The following KANSL1 variants were observed in gnomAD, a reference collection of about 807,000 sequenced individuals.
KANSL1 encodes MLL1/MLL complex subunit KANSL1.
A neutral mutation model predicts 103.6 loss-of-function variants in KANSL1; 22 were observed. The ratio of observed to expected loss-of-function variants is 0.21; its 90% CI spans 0.15 to 0.30. The LOEUF (loss-of-function observed/expected upper bound fraction) is 0.30. Ranked by LOEUF, KANSL1 falls within the 10% of genes least tolerant of loss-of-function variation. The probability of loss-of-function intolerance (pLI) is 1.00; values close to 1 mark genes in which losing one functional copy is unlikely to be tolerated. For synonymous variants in KANSL1, 600 were observed against 527.6 expected, an observed-to-expected ratio of 1.14 and a Z score of -1.88; for missense variants, 1,337 against 1,399.8, an observed-to-expected ratio of 0.96 and a Z score of 0.72.
At chr17:46,147,220 A>G (rs1367275685) in intron 2 of KANSL1, among the ~76,000 whole-genome samples, 3 of 152,218 alleles carry the variant, frequency 2.0e-5, no homozygotes, top group South Asian at 2.1e-4. Flanking sequence ...ATCAACCAAT[A>G]TATGTATTTC....
chr17:46,119,191 AT>A (rs1275092495), intron 2 of KANSL1, among the ~76,000 whole-genome samples: 15 of 152,214 alleles, frequency 9.9e-5, no homozygotes, highest in Non-Finnish European at 2.1e-4. Context: ...GGTGCCTACT[AT>A]CCCCATACTA....
intron 6 of KANSL1, among the ~76,000 whole-genome samples, chr17:46,061,235 TTTC>T (rs1427873425): frequency 2.0e-5 from 3 of 152,152 alleles, no homozygotes; most frequent in South Asian, 2.1e-4. Flanking sequence ...ACTACATTCT[TTTC>T]TTTTTTAAAA....
intron 2 of KANSL1, among the ~76,000 whole-genome samples, chr17:46,114,344 G>C (rs113677391): frequency 6.6e-6 from 1 of 150,912 alleles, no homozygotes; most frequent in Admixed American, 6.7e-5. Context: ...GGGCAACAGC[G>C]AGACTCCCTC....
Position 46,082,540 on chromosome 17 carries a change from C to T in KANSL1, c.1434G>A (p.Gly478=). ...GAGGTACCTCCCCAAGAACTATCAA[C>T]CCCTGCAGGATAGAGAGGAGAAAAA... ...DIYKQIRANK[G]LIVLGEVPPP... is the part of the protein sequence containing the mutation. Residue 478 remains glycine, a splice_region_variant and synonymous_variant, in exon 4 of 15, where the codon GGG becomes GGA. Transcript: ENST00000432791. 1.9e-6 allele frequency: 3 copies of T among 1,586,344 alleles called. No individual in the cohort carries two copies. Among genetic ancestry groups the T allele is most frequent in the Non-Finnish European group, 2.6e-6 (3 of 1,155,844 alleles).
intron 4 of KANSL1, among the ~76,000 whole-genome samples, chr17:46,080,314 A>T (rs1188042653): frequency 9.9e-5 from 10 of 100,854 alleles, no homozygotes; most frequent in African/African-American, 2.8e-4. Context: ...GCCTGTCTTA[A>T]AAAAAAAAAA....
chr17:46,111,327 G>A (rs1260766403), intron 2 of KANSL1, among the ~76,000 whole-genome samples: 2 of 152,194 alleles, frequency 1.3e-5, no homozygotes, highest in East Asian at 3.9e-4. Flanking sequence ...TCCTGCCTCA[G>A]CCTCGCAGGT....
chr17:46,082,072 G>A (rs1408979023), intron 4 of KANSL1, among the ~76,000 whole-genome samples: 2 of 152,092 alleles, frequency 1.3e-5, no homozygotes, highest in Non-Finnish European at 2.9e-5. Flanking sequence ...TTAACCTCTA[G>A]TCTAACCTTT....
At position 46,171,533 on chromosome 17, in the gene KANSL1, C is replaced by G. The variant is rs766643723; in HGVS notation, c.611G>C (p.Gly204Ala). 7 of 1,612,812 alleles carry G rather than the reference C, an allele frequency of 4.3e-6. No individual in the cohort carries two copies. Among genetic ancestry groups the G allele is most frequent in the Non-Finnish European group, 5.1e-6 (6 of 1,179,436 alleles). ...ATGTGGAAGAGTGCAATTGGTCATA[C>G]CCCCCTTCAAGTCCCCAGATTCAGA... is the stretch of plus-strand genomic sequence containing the variant. Reference protein sequence around the residue: ...GGSESGDLKGGMTNCTLPHRS... With the variant: ...GGSESGDLKGAMTNCTLPHRS... Residue 204 changes from glycine (G) to alanine (A), a missense_variant, in exon 2 of 15, where the codon GGT (glycine) becomes GCT (alanine). Around this residue, in one of 2 missense-constraint regions of KANSL1, gnomAD observed 557 missense variants for 476.4 expected, o/e 1.17. Transcript: ENST00000432791.
At chr17:46,034,132 G>A in intron 11 of KANSL1, 29 bp downstream of exon 11, 1 of 1,611,666 alleles carries the variant, frequency 6.2e-7, no homozygotes, top group Non-Finnish European at 8.5e-7. Context: ...GAAGAATGGG[G>A]AGAGGAGCCA....
intron 1 of KANSL1, among the ~76,000 whole-genome samples, chr17:46,173,759 T>A (rs981254853): frequency 1.3e-5 from 2 of 152,252 alleles, no homozygotes; most frequent in Non-Finnish European, 2.9e-5. Flanking sequence ...TTTCTTTTTT[T>A]AAGGGAGTTC....
intron 2 of KANSL1, among the ~76,000 whole-genome samples, chr17:46,105,906 G>GAGACACACACACACACACACAC (rs778730504): frequency 1.0e-3 from 96 of 95,128 alleles, no homozygotes; most frequent in African/African-American, 4.2e-3. Context: ...GCAAGGCCTT[G>GAGACACACACACACACACACAC]ACACACACAC....
intron 4 of KANSL1, among the ~76,000 whole-genome samples, chr17:46,080,701 C>G (rs1227094237): frequency 1.3e-5 from 2 of 150,440 alleles, no homozygotes; most frequent in Non-Finnish European, 1.5e-5. Flanking sequence ...TGTCCCTGCT[C>G]CCCCCACCCC....
chr17:46,066,625 G>A lies in KANSL1; in HGVS notation c.1760C>T (p.Thr587Ile). 1 of 1,614,142 alleles carries A rather than the reference G, an allele frequency of 6.2e-7. No homozygotes were observed. Among genetic ancestry groups the A allele is most frequent in the Non-Finnish European group, 8.5e-7 (1 of 1,180,012 alleles). ...LNLVSSSSDG[T>I]CVAARTRPVL... ...AGGACGTGTCCGGGCTGCCACACAG[G>A]TGCCATCAGATGATGAAGAGACGAG... is the stretch of plus-strand genomic sequence containing the variant. The change falls in exon 6 of 15, where the codon ACC becomes ATC. Residue 587 changes from threonine (T) to isoleucine (I), a missense_variant. Physicochemically the swap from Thr to Ile is moderately conservative, Grantham distance 89. Transcript: ENST00000432791.
chr17:46,189,501 G>A (rs952185464), intron 1 of KANSL1, among the ~76,000 whole-genome samples: 3 of 152,040 alleles, frequency 2.0e-5, no homozygotes, highest in African/African-American at 7.3e-5. Context: ...AACATAAAAG[G>A]AATACGCATT....
intron 4 of KANSL1, among the ~76,000 whole-genome samples, chr17:46,071,975 TC>T (rs1282554170): frequency 7.3e-6 from 1 of 136,546 alleles, no homozygotes; most frequent in East Asian, 2.0e-4. Context: ...GCTGAATTGC[TC>T]CCCCCACCCC....
chr17:46,158,527 C>T (rs62060864), intron 2 of KANSL1, among the ~76,000 whole-genome samples: 21,941 of 151,670 alleles, frequency 0.14, 2,139 homozygotes, highest in Middle Eastern at 0.22. Flanking sequence ...CATGCCCAGC[C>T]AATTTTTGTA....
At chr17:46,113,713 T>G (rs1005570227) in intron 2 of KANSL1, among the ~76,000 whole-genome samples, 1 of 152,176 alleles carries the variant, frequency 6.6e-6, no homozygotes, top group Admixed American at 6.5e-5. Flanking sequence ...GCATGAAGTC[T>G]ACCCTGTATG....
chr17:46,064,690 T>A (rs2146638421), intron 6 of KANSL1, among the ~76,000 whole-genome samples: 1 of 152,168 alleles, frequency 6.6e-6, no homozygotes, highest in Non-Finnish European at 1.5e-5. Context: ...ACTCTCTTGG[T>A]TTTTCTTCTA....
At chr17:46,049,239 CCTTT>C (rs1224894959) in intron 7 of KANSL1, among the ~76,000 whole-genome samples, 4 of 123,826 alleles carry the variant, frequency 3.2e-5, no homozygotes, top group Non-Finnish European at 5.2e-5. Context: ...CCATCCAAGA[CCTTT>C]TTTTTTTTTT....
Sources: gnomAD v4.1 joint callset for allele counts (sites outside exome capture counted in the v4.1 genomes callset) on GRCh38, gnomAD v4.1.1 for gene constraint, gnomAD v4.1.1 regional missense constraint, MANE v1.5 for transcripts, NCBI Gene and HGNC (gene_info 2026-07-23, HGNC 2026-07-21) for gene names.